The following EPHA7 variants were observed in gnomAD, a reference collection of about 807,000 sequenced individuals.
The protein encoded by EPHA7 is ephrin type-A receptor 7.
Under a neutral mutation model 112.6 loss-of-function variants are expected in EPHA7, and 25 were observed. The observed-to-expected ratio is 0.22, with a 90% CI of 0.16 to 0.31. The LOEUF (loss-of-function observed/expected upper bound fraction) is 0.31, where lower values mean the gene tolerates loss of function less well. Ranked by LOEUF, EPHA7 falls within the 10% of genes least tolerant of loss-of-function variation. EPHA7 has a pLI of 1.00. For synonymous variants in EPHA7, 437 were observed against 406.5 expected, an observed-to-expected ratio of 1.07 and a Z score of -0.90; for missense variants, 962 against 1,212.6, an observed-to-expected ratio of 0.79 and a Z score of 3.07.
intron 5 of EPHA7, among the ~76,000 whole-genome samples, chr6:93,351,290 A>C (rs910615711): frequency 2.6e-5 from 4 of 151,894 alleles, no homozygotes; most frequent in African/African-American, 9.7e-5. Flanking sequence ...TTCCAATGAG[A>C]CCCCATCACA....
At chr6:93,329,597 T>C (rs886567432) in intron 5 of EPHA7, among the ~76,000 whole-genome samples, 3 of 151,290 alleles carry the variant, frequency 2.0e-5, no homozygotes, top group Non-Finnish European at 4.4e-5. Flanking sequence ...TATACTTTTT[T>C]TAAAAAAGGA....
At chr6:93,340,259 T>C (rs1401479589) in intron 5 of EPHA7, among the ~76,000 whole-genome samples, 4 of 151,844 alleles carry the variant, frequency 2.6e-5, no homozygotes, top group Admixed American at 2.6e-4. Flanking sequence ...GAATTCACAA[T>C]AGTAAATCAT....
At chr6:93,365,623 T>A (rs952745605) in intron 3 of EPHA7, among the ~76,000 whole-genome samples, 1 of 152,140 alleles carries the variant, frequency 6.6e-6, no homozygotes, top group Non-Finnish European at 1.5e-5. Flanking sequence ...CTGTCACTAA[T>A]ATTCTATGAT....
chr6:93,300,201 G>A (rs1582476405), intron 5 of EPHA7, among the ~76,000 whole-genome samples: 1 of 152,100 alleles, frequency 6.6e-6, no homozygotes, highest in Non-Finnish European at 1.5e-5. Context: ...AGTAACAACT[G>A]CTTAAATATA....
intron 16 of EPHA7, among the ~76,000 whole-genome samples, chr6:93,244,596 G>A (rs1185838206): frequency 1.3e-5 from 2 of 151,216 alleles, no homozygotes; most frequent in African/African-American, 4.9e-5. Flanking sequence ...AATTAGTGAT[G>A]GAGCCAGACA....
At chr6:93,405,562 C>G (rs1275619334) in intron 3 of EPHA7, among the ~76,000 whole-genome samples, 1 of 151,180 alleles carries the variant, frequency 6.6e-6, no homozygotes, top group African/African-American at 2.4e-5. Context: ...TTTGCTATGT[C>G]CCACATGCTA....
intron 3 of EPHA7, among the ~76,000 whole-genome samples, chr6:93,399,731 T>G (rs757455205): frequency 2.6e-5 from 4 of 152,014 alleles, no homozygotes; most frequent in Non-Finnish European, 4.4e-5. Flanking sequence ...CTTTTGGATA[T>G]CTGTGGTTGT....
chr6:93,289,067 T>G (rs1582455454), intron 5 of EPHA7, among the ~76,000 whole-genome samples: 1 of 151,960 alleles, frequency 6.6e-6, no homozygotes, highest in Middle Eastern at 3.4e-3. Flanking sequence ...TTATCTAAAA[T>G]TTCCCTCTTG....
chr6:93,269,894 T>C (rs1771127230), intron 6 of EPHA7, among the ~76,000 whole-genome samples: 1 of 151,782 alleles, frequency 6.6e-6, no homozygotes, highest in African/African-American at 2.4e-5. Flanking sequence ...ATTTATGGTG[T>C]TTTTAGCTTT....
At chr6:93,342,861 A>G (rs1473489682) in intron 5 of EPHA7, among the ~76,000 whole-genome samples, 2 of 151,714 alleles carry the variant, frequency 1.3e-5, no homozygotes, top group African/African-American at 4.8e-5. Flanking sequence ...TCATTTGCCT[A>G]CTCTAACTAA....
intron 3 of EPHA7, among the ~76,000 whole-genome samples, chr6:93,367,403 G>A (rs1216015514): frequency 6.6e-6 from 1 of 152,184 alleles, no homozygotes; most frequent in African/African-American, 2.4e-5. Flanking sequence ...AGAAAGGTCA[G>A]AGAGTGTAGG....
chr6:93,379,184 A>G (rs1193407549), intron 3 of EPHA7, among the ~76,000 whole-genome samples: 1 of 152,156 alleles, frequency 6.6e-6, no homozygotes, highest in African/African-American at 2.4e-5. Context: ...AACTATAAAA[A>G]TCAAATTTGC....
intron 5 of EPHA7, among the ~76,000 whole-genome samples, chr6:93,287,296 T>C (rs1210642473): frequency 6.6e-6 from 1 of 152,132 alleles, no homozygotes; most frequent in East Asian, 1.9e-4. Flanking sequence ...GTCCATATTC[T>C]TTTTCTCCAT....
chr6:93,392,360 C>T (rs957032678), intron 3 of EPHA7, among the ~76,000 whole-genome samples: 4 of 151,822 alleles, frequency 2.6e-5, no homozygotes, highest in Admixed American at 6.6e-5. Flanking sequence ...TGACTGCTTT[C>T]GCCTGGCTGC....
rs2127847299 is a variant in EPHA7 at position 93,246,972 on chromosome 6, A to G, written c.2546T>C (p.Ile849Thr). 1 of 1,589,222 alleles carries G rather than the reference A, an allele frequency of 6.3e-7. No individual in the cohort carries two copies. The highest frequency in any genetic ancestry group is 8.6e-7 in the Non-Finnish European group (1 of 1,161,032). Residue 849 changes from isoleucine (I) to threonine (T), a missense_variant, in exon 15 of 17, where the codon ATA (isoleucine) becomes ACA (threonine). By Grantham distance (89) the Ile-to-Thr change is moderately conservative. Transcript: ENST00000369303. ...TGCTGGTAAACGATAACCTTCTTCT[A>G]TTGCTTTTATAACCTAATAGCCAAA... ...DMSNQDVIKA[I>T]EEGYRLPAPM... is the part of the protein sequence containing the mutation.
intron 3 of EPHA7, among the ~76,000 whole-genome samples, chr6:93,365,753 A>G (rs1159145047): frequency 6.6e-6 from 1 of 152,192 alleles, no homozygotes; most frequent in African/African-American, 2.4e-5. Flanking sequence ...AGAGTTTAGA[A>G]AAGACAGCAT....
chr6:93,251,362 T>C (rs1445528720), intron 14 of EPHA7, among the ~76,000 whole-genome samples: 1 of 151,878 alleles, frequency 6.6e-6, no homozygotes, highest in Non-Finnish European at 1.5e-5. Context: ...GGATTATCTT[T>C]ATGTCTCATA....
chr6:93,397,686 T>C (rs1404952973), intron 3 of EPHA7, among the ~76,000 whole-genome samples: 6 of 152,094 alleles, frequency 3.9e-5, no homozygotes, highest in African/African-American at 1.4e-4. Flanking sequence ...CTCAGTTATC[T>C]ATTAACATTA....
chr6:93,405,804 T>TAA, intron 3 of EPHA7, among the ~76,000 whole-genome samples: 1 of 74,186 alleles, frequency 1.3e-5, no homozygotes, highest in Admixed American at 1.4e-4. Context: ...TGTGTGTGTG[T>TAA]GTGTGTGTGT....
Sources: allele counts gnomAD v4.1 joint callset (sites outside exome capture counted in the v4.1 genomes callset), GRCh38; gene constraint gnomAD v4.1.1; transcripts MANE v1.5; gene names NCBI Gene and HGNC (gene_info 2026-07-23, HGNC 2026-07-21).